ZC3H12B: variants seen among roughly 807,000 people sequenced by gnomAD.
ZC3H12B encodes the protein probable ribonuclease ZC3H12B.
Under a neutral mutation model 43.9 loss-of-function variants are expected in ZC3H12B, and 7 were observed. The ratio of observed to expected loss-of-function variants is 0.16; its 90% confidence interval spans 0.09 to 0.30. The LOEUF (loss-of-function observed/expected upper bound fraction) is 0.30, where lower values mean the gene tolerates loss of function less well. ZC3H12B is among the 10% of genes least tolerant of loss of function. The pLI, the probability that ZC3H12B is intolerant of heterozygous loss-of-function variation, is 1.00. For missense variants in ZC3H12B, 475 were observed against 670.2 expected (o/e 0.71, Z 3.22); for synonymous variants, 222 against 241.7 (o/e 0.92, Z 0.76).
intron 2 of ZC3H12B, among the ~76,000 whole-genome samples, chrX:65,375,462 G>A (rs1325362211): frequency 1.8e-5 from 2 of 112,347 alleles, no homozygotes; most frequent in Admixed American, 9.5e-5. Context: ...ACCAGCCATA[G>A]TGGCTAAGGG....
At chrX:65,343,425 A>G in the ZC3H12B span, among the ~76,000 whole-genome samples, 1 of 111,801 alleles carries the variant, frequency 8.9e-6, no homozygotes, top group African/African-American at 3.2e-5. Context: ...GCAAAAATCC[A>G]CAACAAAATA....
chrX:65,278,445 T>A, the ZC3H12B span, among the ~76,000 whole-genome samples: 1 of 111,696 alleles, frequency 9.0e-6, no homozygotes, highest in African/African-American at 3.3e-5. Context: ...CAAGAAATAA[T>A]AATAAGTATC....
the ZC3H12B span, among the ~76,000 whole-genome samples, chrX:65,130,685 T>A: frequency 9.0e-6 from 1 of 111,332 alleles, no homozygotes; most frequent in African/African-American, 3.3e-5. Context: ...TATGAAATGA[T>A]GACAGAATAG....
intron 3 of ZC3H12B, among the ~76,000 whole-genome samples, chrX:65,429,709 G>C (rs1301810781): frequency 8.9e-6 from 1 of 112,203 alleles, no homozygotes; most frequent in East Asian, 2.8e-4. Context: ...TCAGAGCTCT[G>C]TCCATAGATA....
chrX:65,324,742 A>G, the ZC3H12B span, among the ~76,000 whole-genome samples: 1 of 111,233 alleles, frequency 9.0e-6, no homozygotes, highest in Non-Finnish European at 1.9e-5. Context: ...AGAATGTTTC[A>G]TGGGTACTTG....
chrX:65,085,643 G>A, the ZC3H12B span, among the ~76,000 whole-genome samples: 3 of 109,938 alleles, frequency 2.7e-5, no homozygotes, highest in African/African-American at 9.9e-5. Flanking sequence ...CTGGTTTGAA[G>A]CACTGGTAAT....
chrX:65,234,620 C>A, the ZC3H12B span, among the ~76,000 whole-genome samples: 2 of 111,976 alleles, frequency 1.8e-5, no homozygotes, highest in Non-Finnish European at 3.8e-5. Flanking sequence ...TCTAAGGACT[C>A]TACCAAAAGA....
chrX:65,293,942 T>A, the ZC3H12B span, among the ~76,000 whole-genome samples: 1 of 111,773 alleles, frequency 8.9e-6, no homozygotes, highest in Non-Finnish European at 1.9e-5. Flanking sequence ...GAGGGAATAA[T>A]TGAGGAAAAC....
At chrX:65,450,931 A>G (rs2067497954) in intron 3 of ZC3H12B, among the ~76,000 whole-genome samples, 1 of 98,778 alleles carries the variant, frequency 1.0e-5, no homozygotes, top group Non-Finnish European at 2.0e-5. Flanking sequence ...ACATATATAT[A>G]TATACACATA....
At chrX:65,094,806 G>T in the ZC3H12B span, among the ~76,000 whole-genome samples, 2 of 112,200 alleles carry the variant, frequency 1.8e-5, no homozygotes, top group Non-Finnish European at 3.8e-5. Context: ...AAAATGGGAA[G>T]TACACATAAA....
chrX:65,335,114 A>G, the ZC3H12B span, among the ~76,000 whole-genome samples: 1 of 112,023 alleles, frequency 8.9e-6, no homozygotes, highest in Non-Finnish European at 1.9e-5. Context: ...AATTTCTGAT[A>G]CCCCCAAAGT....
intron 2 of ZC3H12B, among the ~76,000 whole-genome samples, chrX:65,390,027 C>T (rs890399113): frequency 8.9e-5 from 10 of 112,123 alleles, no homozygotes; most frequent in Non-Finnish European, 1.7e-4. Context: ...TAATGATAGA[C>T]TGGGTTAAGA....
At chrX:65,213,890 T>A in the ZC3H12B span, among the ~76,000 whole-genome samples, 27 of 103,877 alleles carry the variant, frequency 2.6e-4, no homozygotes, top group African/African-American at 5.7e-4. Context: ...AAAAAAAAAA[T>A]ATATATATAC....
chrX:65,142,783 C>T, the ZC3H12B span, among the ~76,000 whole-genome samples: 10 of 112,278 alleles, frequency 8.9e-5, no homozygotes, highest in South Asian at 3.6e-4. Context: ...GGTGTTTGTT[C>T]ACTTTGTCAA....
chrX:65,086,762 A>G, the ZC3H12B span, among the ~76,000 whole-genome samples: 3 of 112,124 alleles, frequency 2.7e-5, no homozygotes, highest in Non-Finnish European at 3.8e-5. Context: ...ACTGTGAGAA[A>G]TAAATTTATG....
chrX:65,368,260 C>T (rs1314495425), intron 1 of ZC3H12B, among the ~76,000 whole-genome samples: 1 of 111,024 alleles, frequency 9.0e-6, no homozygotes, highest in African/African-American at 3.3e-5. Flanking sequence ...TCAGAAAATT[C>T]TCATGGTGAA....
intron 3 of ZC3H12B, among the ~76,000 whole-genome samples, chrX:65,467,420 C>A (rs967875453): frequency 2.3e-4 from 26 of 111,249 alleles, no homozygotes; most frequent in African/African-American, 8.2e-4. Context: ...CATACATGTG[C>A]AGGTATATTT....
the ZC3H12B span, among the ~76,000 whole-genome samples, chrX:65,231,358 A>G: frequency 2.3e-3 from 257 of 111,537 alleles, 1 homozygote; most frequent in African/African-American, 8.0e-3. Context: ...CATTATCTTG[A>G]TAAACATCTT....
chrX:65,071,068 A>G, the ZC3H12B span, among the ~76,000 whole-genome samples: 7 of 108,426 alleles, frequency 6.5e-5, no homozygotes, highest in Non-Finnish European at 1.1e-4. Flanking sequence ...GTGTCGCACT[A>G]TTATTGTGTG....
Sources: allele counts gnomAD v4.1 joint callset (sites outside exome capture counted in the v4.1 genomes callset), GRCh38; gene constraint gnomAD v4.1.1; transcripts MANE v1.5; gene names NCBI Gene and HGNC (gene_info 2026-07-23, HGNC 2026-07-21).